RNF2: variants seen among roughly 807,000 people sequenced by gnomAD.
RNF2 encodes ring finger protein 2, also known as E3 ubiquitin-protein ligase RING2.
In RNF2, 6 loss-of-function variants were observed where a neutral mutation model predicts 37.2. That is an observed-to-expected ratio of 0.16 (90% CI 0.09 to 0.32). The LOEUF (loss-of-function observed/expected upper bound fraction) is 0.32, where lower values mean the gene tolerates loss of function less well. RNF2 is among the 10% of genes least tolerant of loss of function. The pLI, the probability that RNF2 is intolerant of heterozygous loss-of-function variation, is 1.00. For missense variants in RNF2, 251 were observed against 404.0 expected, an observed-to-expected ratio of 0.62 and a Z score of 3.25; for synonymous variants, 133 against 132.7, an observed-to-expected ratio of 1.00 and a Z score of -0.02.
intron 1 of RNF2, among the ~76,000 whole-genome samples, chr1:185,054,554 G>T (rs1023303705): frequency 6.6e-6 from 1 of 152,178 alleles, no homozygotes; most frequent in Admixed American, 6.5e-5. Flanking sequence ...CTGAGAGCGG[G>T]TTCCTCAGCT....
At chr1:185,054,686 T>C (rs540696571) in intron 1 of RNF2, among the ~76,000 whole-genome samples, 1 of 152,160 alleles carries the variant, frequency 6.6e-6, no homozygotes, top group African/African-American at 2.4e-5. Context: ...TCTTTGTGGG[T>C]TTTTTAAAAT....
intron 1 of RNF2, among the ~76,000 whole-genome samples, chr1:185,047,604 A>G (rs1217466149): frequency 2.6e-5 from 4 of 152,332 alleles, no homozygotes; most frequent in Middle Eastern, 3.4e-3. Context: ...TTTCATTTCT[A>G]TACATTAGCA....
intron 1 of RNF2, among the ~76,000 whole-genome samples, chr1:185,085,189 C>T (rs1287467604): frequency 1.5e-5 from 2 of 135,532 alleles, no homozygotes; most frequent in Admixed American, 8.0e-5. Flanking sequence ...CACTCTGTCA[C>T]CCAGGCTGGA....
rs1465783761 is a variant in RNF2, at chr1:185,045,942, G to C, written c.-3+293G>C. ...GCCGGGATTCCTTCCTTCGCCGCGA[G>C]CCTTTCGCTGCCCTTTCCTCTGCGC... On this transcript the variant is annotated intron_variant, in intron 1 of 6. Coordinates refer to ENST00000367510, the MANE Select transcript of RNF2 (RefSeq NM_007212.4). Among the ~76,000 whole-genome samples, 5 of 152,192 alleles carry C rather than the reference G, an allele frequency of 3.3e-5. No individual in the cohort carries two copies. In the East Asian group the frequency reaches 9.7e-4, roughly 29 times the overall value.
At chr1:185,077,353 G>A (rs1035483353) in intron 1 of RNF2, among the ~76,000 whole-genome samples, 1 of 146,510 alleles carries the variant, frequency 6.8e-6, no homozygotes, top group African/African-American at 2.6e-5. Context: ...ATAACATGAC[G>A]TAGGACTTTC....
At chr1:185,072,900 A>G (rs1404722728) in intron 1 of RNF2, among the ~76,000 whole-genome samples, 1 of 152,184 alleles carries the variant, frequency 6.6e-6, no homozygotes, top group African/African-American at 2.4e-5. Context: ...AGATTGTGCC[A>G]CTGCACTCCA....
chr1:185,100,302 G>A lies in RNF2; in HGVS notation c.*1G>A, dbSNP rs1029715259. On this transcript the variant is annotated 3_prime_UTR_variant, in exon 7 of 7. Transcript: ENST00000367510. ...CGCACCTACAAAGGAGCACAAATGA[G>A]CCTTTAAAAACCAATTCTGAGACTG... 6.3e-7 allele frequency: 1 copy of A among 1,595,188 alleles called. No homozygotes were observed. Among genetic ancestry groups the A allele is most frequent in the South Asian group, 1.2e-5 (1 of 86,724 alleles).
intron 1 of RNF2, among the ~76,000 whole-genome samples, chr1:185,056,981 C>T (rs1202816228): frequency 6.6e-6 from 1 of 152,052 alleles, no homozygotes; most frequent in East Asian, 1.9e-4. Flanking sequence ...ATAGTTTTAA[C>T]TGTATTTTAT....
At chr1:185,056,489 G>T (rs1650438222) in intron 1 of RNF2, among the ~76,000 whole-genome samples, 1 of 151,536 alleles carries the variant, frequency 6.6e-6, no homozygotes. Context: ...TTCCTGAGTA[G>T]GTGGAACTAT....
chr1:185,078,682 G>T (rs1303973675), intron 1 of RNF2, among the ~76,000 whole-genome samples: 1 of 152,098 alleles, frequency 6.6e-6, no homozygotes, highest in African/African-American at 2.4e-5. Context: ...GGCCGAGGTG[G>T]GCGGATCACC....
At chr1:185,093,337 A>C in intron 4 of RNF2, 61 bp downstream of exon 4, 2 of 1,497,622 alleles carry the variant, frequency 1.3e-6, no homozygotes, top group Non-Finnish European at 1.8e-6. Context: ...TTAACAATTA[A>C]ATTTACTTTT....
chr1:185,054,306 C>A (rs558874508), intron 1 of RNF2, among the ~76,000 whole-genome samples: 1 of 152,138 alleles, frequency 6.6e-6, no homozygotes, highest in Non-Finnish European at 1.5e-5. Context: ...AAGGAAATGG[C>A]GGCTTAAGTT....
intron 1 of RNF2, among the ~76,000 whole-genome samples, chr1:185,066,357 C>G (rs946925073): frequency 6.6e-6 from 1 of 152,194 alleles, no homozygotes; most frequent in Non-Finnish European, 1.5e-5. Context: ...CCAGACATGC[C>G]ATGCTGAGTG....
intron 5 of RNF2, 23 bp downstream of exon 5, chr1:185,098,367 GATTATCT>G (rs1181813098): frequency 6.2e-7 from 1 of 1,605,542 alleles, no homozygotes; most frequent in Non-Finnish European, 8.5e-7. Flanking sequence ...ATTAGTTTCA[GATTATCT>G]AAATTCAGAA....
At chr1:185,050,653 C>T (rs1232484309) in intron 1 of RNF2, among the ~76,000 whole-genome samples, 2 of 152,042 alleles carry the variant, frequency 1.3e-5, no homozygotes, top group Non-Finnish European at 2.9e-5. Flanking sequence ...TTCTTCCTTC[C>T]AAGGTCATTA....
chr1:185,077,998 C>T (rs1395199008), intron 1 of RNF2, among the ~76,000 whole-genome samples: 1 of 152,222 alleles, frequency 6.6e-6, no homozygotes, highest in African/African-American at 2.4e-5. Context: ...GTAATCCCAG[C>T]ACTTTGGGAG....
chr1:185,100,006 G>T, intron 6 of RNF2, 44 bp downstream of exon 6: 2 of 1,555,034 alleles, frequency 1.3e-6, no homozygotes, highest in South Asian at 2.3e-5. Context: ...GGAGCACACT[G>T]ACCAACTAAC....
At chr1:185,095,419 G>A (rs1282597481) in intron 4 of RNF2, among the ~76,000 whole-genome samples, 1 of 152,094 alleles carries the variant, frequency 6.6e-6, no homozygotes, top group East Asian at 1.9e-4. Context: ...TAATCCACAT[G>A]GCACACTACC....
intron 1 of RNF2, among the ~76,000 whole-genome samples, chr1:185,079,885 G>A (rs531716818): frequency 8.6e-5 from 13 of 151,938 alleles, no homozygotes; most frequent in Admixed American, 7.2e-4. Context: ...AGCTGAGATC[G>A]CGCCACTGCA....
Sources: allele counts gnomAD v4.1 joint callset (sites outside exome capture counted in the v4.1 genomes callset), GRCh38; gene constraint gnomAD v4.1.1; transcripts MANE v1.5; gene names NCBI Gene and HGNC (gene_info 2026-07-23, HGNC 2026-07-21).